The following GPR39 variants were observed in gnomAD, a reference collection of about 807,000 sequenced individuals.
GPR39 encodes zinc sensing receptor.
In GPR39, 23 loss-of-function variants were observed where a neutral mutation model predicts 18.4. That is an observed-to-expected ratio of 1.25 (90% CI 0.90 to 1.77). The LOEUF (loss-of-function observed/expected upper bound fraction) is 1.77, where lower values mean the gene tolerates loss of function less well. GPR39 is among the 40% of genes most tolerant of loss of function. GPR39 has a pLI of 0.00. For synonymous variants in GPR39, 280 were observed against 257.9 expected (o/e 1.09, Z -0.82); for missense variants, 647 against 602.4 (o/e 1.07, Z -0.78).
intron 1 of GPR39, among the ~76,000 whole-genome samples, chr2:132,565,651 T>G (rs1440944219): frequency 6.8e-6 from 1 of 146,178 alleles, no homozygotes; most frequent in Non-Finnish European, 1.5e-5. Flanking sequence ...ATATGCGGTG[T>G]TTGATTTTTT....
chr2:132,576,546 G>A (rs1680529739), intron 1 of GPR39, among the ~76,000 whole-genome samples: 1 of 152,042 alleles, frequency 6.6e-6, no homozygotes. Context: ...CCAGCTACTT[G>A]GGAGGCTGAG....
intron 1 of GPR39, among the ~76,000 whole-genome samples, chr2:132,442,542 T>C (rs1439487405): frequency 1.3e-5 from 2 of 152,226 alleles, no homozygotes; most frequent in Non-Finnish European, 2.9e-5. Flanking sequence ...GGTGGGCCTG[T>C]CTGATTGCCA....
At chr2:132,564,954 T>C (rs1204720606) in intron 1 of GPR39, among the ~76,000 whole-genome samples, 1 of 151,590 alleles carries the variant, frequency 6.6e-6, no homozygotes, top group East Asian at 1.9e-4. Flanking sequence ...GTAGCTGGGA[T>C]TACAGGCACC....
At chr2:132,627,397 A>G (rs568650210) in intron 1 of GPR39, among the ~76,000 whole-genome samples, 1 of 152,370 alleles carries the variant, frequency 6.6e-6, no homozygotes, top group South Asian at 2.1e-4. Context: ...AACTCAGGAC[A>G]GGATGGTGGC....
At position 132,599,435 on chromosome 2, in the gene GPR39, C is replaced by T. The variant is rs60167026; in HGVS notation, c.857-45666C>T. ...TGCAACAGTTTTTGAGGCAACTGAC[C>T]GTGGCTAGAGGTGGGGTCTGTAGCT... On this transcript the variant is annotated intron_variant, in intron 1 of 1. Transcript: ENST00000329321. Among the ~76,000 whole-genome samples, 1,461 of 152,202 alleles carry T rather than the reference C, an allele frequency of 9.6e-3. 15 individuals are homozygous for T. The highest frequency in any genetic ancestry group is 0.021 in the African/African-American group (857 of 41,536).
At chr2:132,603,864 CTG>C (rs1163324023) in intron 1 of GPR39, among the ~76,000 whole-genome samples, 1 of 152,072 alleles carries the variant, frequency 6.6e-6, no homozygotes, top group Admixed American at 6.6e-5. Flanking sequence ...AGAAAAGACA[CTG>C]TGTTATTTAG....
chr2:132,588,724 A>G (rs1310344396), intron 1 of GPR39, among the ~76,000 whole-genome samples: 1 of 152,192 alleles, frequency 6.6e-6, no homozygotes, highest in East Asian at 1.9e-4. Context: ...GCATCTTTTC[A>G]GACCTGGTGC....
At chr2:132,423,673 C>T (rs1680061711) in intron 1 of GPR39, among the ~76,000 whole-genome samples, 2 of 152,244 alleles carry the variant, frequency 1.3e-5, no homozygotes, top group South Asian at 2.1e-4. Flanking sequence ...TCAGATCTCC[C>T]CAGGGAAACT....
chr2:132,447,265 C>T (rs1342364991), intron 1 of GPR39, among the ~76,000 whole-genome samples: 1 of 152,174 alleles, frequency 6.6e-6, no homozygotes, highest in South Asian at 2.1e-4. Flanking sequence ...AGTCTGTCTC[C>T]AGAGCCTAGG....
At chr2:132,491,626 C>A (rs1215401666) in intron 1 of GPR39, among the ~76,000 whole-genome samples, 1 of 151,632 alleles carries the variant, frequency 6.6e-6, no homozygotes, top group Non-Finnish European at 1.5e-5. Context: ...CAGAAAGTGG[C>A]AAGATCAGAT....
At chr2:132,472,308 C>T (rs1200152631) in intron 1 of GPR39, among the ~76,000 whole-genome samples, 2 of 152,160 alleles carry the variant, frequency 1.3e-5, no homozygotes, top group African/African-American at 2.4e-5. Context: ...TCTGTAGGTC[C>T]CTCCAGGCCT....
chr2:132,455,572 T>G (rs1680706973), intron 1 of GPR39, among the ~76,000 whole-genome samples: 1 of 152,208 alleles, frequency 6.6e-6, no homozygotes, highest in Admixed American at 6.5e-5. Flanking sequence ...ATTGTGATGT[T>G]AGGGTGTCAA....
chr2:132,631,979 T>G (rs1681658382), intron 1 of GPR39, among the ~76,000 whole-genome samples: 1 of 152,052 alleles, frequency 6.6e-6, no homozygotes, highest in African/African-American at 2.4e-5. Flanking sequence ...TGCACCACCA[T>G]GCCCAGCTAA....
intron 1 of GPR39, among the ~76,000 whole-genome samples, chr2:132,462,191 C>G (rs1416151618): frequency 6.6e-6 from 1 of 152,062 alleles, no homozygotes; most frequent in African/African-American, 2.4e-5. Flanking sequence ...TGCTCACAGC[C>G]CAGGGAGGAC....
chr2:132,482,640 C>T (rs1419971922), intron 1 of GPR39, among the ~76,000 whole-genome samples: 1 of 152,172 alleles, frequency 6.6e-6, no homozygotes, highest in Non-Finnish European at 1.5e-5. Flanking sequence ...GAGACTCCTA[C>T]ACTAGGCATT....
chr2:132,565,798 C>T (rs1680341041), intron 1 of GPR39, among the ~76,000 whole-genome samples: 1 of 148,604 alleles, frequency 6.7e-6, no homozygotes, highest in African/African-American at 2.5e-5. Context: ...TCCAGTCTAT[C>T]ATTGTTGGAC....
At chr2:132,440,794 A>G (rs1468068658) in intron 1 of GPR39, among the ~76,000 whole-genome samples, 2 of 152,186 alleles carry the variant, frequency 1.3e-5, no homozygotes, top group Non-Finnish European at 2.9e-5. Context: ...AAAAAAAGTC[A>G]AAAGAGGCTA....
intron 1 of GPR39, among the ~76,000 whole-genome samples, chr2:132,545,299 G>A (rs1449355320): frequency 2.6e-5 from 4 of 152,196 alleles, no homozygotes; most frequent in Admixed American, 1.3e-4. Context: ...TTTCCAGAGA[G>A]GGTGAGAAAT....
intron 1 of GPR39, among the ~76,000 whole-genome samples, chr2:132,575,907 C>T (rs1365800382): frequency 6.6e-6 from 1 of 151,994 alleles, no homozygotes; most frequent in Non-Finnish European, 1.5e-5. Context: ...GGTATTAGTG[C>T]CATTGTAAAG....
Sources: gnomAD v4.1 joint callset for allele counts (sites outside exome capture counted in the v4.1 genomes callset) on GRCh38, gnomAD v4.1.1 for gene constraint, MANE v1.5 for transcripts, NCBI Gene and HGNC (gene_info 2026-07-23, HGNC 2026-07-21) for gene names.